The following STRA6 variants were observed in gnomAD, a reference collection of about 807,000 sequenced individuals.
STRA6 encodes the protein signaling receptor and transporter of retinol STRA6.
A neutral mutation model predicts 83.6 loss-of-function variants in STRA6; 48 were observed. The ratio of observed to expected loss-of-function variants is 0.57; its 90% CI spans 0.46 to 0.73. The LOEUF (loss-of-function observed/expected upper bound fraction) is 0.73, where lower values mean the gene tolerates loss of function less well. STRA6 is among the 30% of genes least tolerant of loss of function. STRA6 has a pLI of 0.00. For synonymous variants in STRA6, 353 were observed against 362.3 expected (o/e 0.97, Z 0.29); for missense variants, 760 against 838.8 (o/e 0.91, Z 1.16).
intron 7 of STRA6, 107 bp from the exon 8 acceptor site, chr15:74,194,029 G>C (rs1281987354): frequency 6.5e-7 from 1 of 1,548,502 alleles, no homozygotes; most frequent in Non-Finnish European, 8.8e-7. Flanking sequence ...GGGTGGTCTG[G>C]GGGGCCATGG....
Position 74,185,037 on chromosome 15 carries a change from A to G in STRA6, c.1109T>C (p.Leu370Ser), listed in dbSNP as rs759977195. The G allele has an allele frequency of 5.0e-6, 8 of 1,614,012 alleles. No individual in the cohort carries two copies. The highest frequency in any genetic ancestry group is 5.9e-6 in the Non-Finnish European group (7 of 1,179,944). Residue 370 changes from leucine (L) to serine (S), a missense_variant, in exon 13 of 19, where the codon TTG (leucine) becomes TCG (serine). Physicochemically the swap from Leu to Ser is moderately radical, Grantham distance 145 (BLOSUM62 -2). Transcript: ENST00000395105. ...WALEVCYISA[L>S]VLSCLLTFLV... ...GAAGGTGAGTAAGCAGGACAAGACC[A>G]AGGCTGAGATGTAGCACACTGGTGG... is the stretch of plus-strand genomic sequence containing the variant.
At position 74,185,045 on chromosome 15, in the gene STRA6, G is replaced by T. The variant is rs1423873931; in HGVS notation, c.1101C>A (p.Ile367=). Residue 367 remains isoleucine (I), a synonymous_variant, in exon 13 of 19, where the codon ATC becomes ATA. Coordinates refer to ENST00000395105, the MANE Select transcript of STRA6 (RefSeq NM_022369.4). The part of the protein sequence containing the change: ...HHLWALEVCY[I]SALVLSCLLT... ...GTAAGCAGGACAAGACCAAGGCTGA[G>T]ATGTAGCACACTGGTGGGCAGAGAA... is the stretch of plus-strand genomic sequence containing the variant. The T allele has an allele frequency of 1.2e-6, 2 of 1,614,012 alleles. No homozygotes were observed. The highest frequency in any genetic ancestry group is 1.7e-6 in the Non-Finnish European group (2 of 1,179,962).
At chr15:74,210,663 C>G (rs545240327), upstream of STRA6, among the ~76,000 whole-genome samples, 2 of 152,276 alleles carry the variant, frequency 1.3e-5, no homozygotes, top group South Asian at 4.1e-4. Context: ...AATAAGCCTG[C>G]TGTGAGTAAG....
Position 74,196,152 on chromosome 15 carries a change from C to G in STRA6, c.267-5G>C, listed in dbSNP as rs1226615156. The G allele has an allele frequency of 1.9e-6, 3 of 1,613,584 alleles. No individual in the cohort carries two copies. The highest frequency in any genetic ancestry group is 2.5e-6 in the Non-Finnish European group (3 of 1,179,982). ...CCAGCCAAGAAATCCACAGGGCTAG[C>G]ACAGAGGCAAGGACAGGGCAGGAGG... On this transcript the variant is annotated splice_region_variant and splice_polypyrimidine_tract_variant and intron_variant, in intron 4 of 18. Coordinates refer to ENST00000395105, the MANE Select transcript of STRA6 (RefSeq NM_022369.4).
At chr15:74,207,382 C>T (rs940670452), upstream of STRA6, among the ~76,000 whole-genome samples, 4 of 152,112 alleles carry the variant, frequency 2.6e-5, no homozygotes, top group East Asian at 7.7e-4. Flanking sequence ...AGTATTGCCC[C>T]CAAGAAGCCC....
chr15:74,180,197 C>G lies in STRA6; in HGVS notation c.1887G>C (p.Arg629Ser), dbSNP rs1440979461. Residue 629 changes from arginine (R) to serine (S), a missense_variant, in exon 19 of 19, where the codon AGG becomes AGC. By Grantham distance (110) the Arg-to-Ser change is moderately radical. Coordinates refer to ENST00000395105, the MANE Select transcript of STRA6 (RefSeq NM_022369.4). ...GAGCCCTGCCGCGGCTGGCCCCGGGCCTAGCTCCCTTGGCCATGGAGTCCT... is the reference window on the plus strand; with the variant it reads ...GAGCCCTGCCGCGGCTGGCCCCGGGGCTAGCTCCCTTGGCCATGGAGTCCT... The part of the protein sequence containing the change: ...QTKDSMAKGA[R>S]PGASRGRARW... The G allele has an allele frequency of 6.2e-7, 1 of 1,614,086 alleles. No homozygotes were observed. The highest frequency in any genetic ancestry group is 1.7e-5 in the Admixed American group (1 of 60,032).
Position 74,183,969 on chromosome 15 carries a change from T to C in STRA6, c.1187A>G (p.His396Arg). 4.3e-6 allele frequency: 7 copies of C among 1,613,518 alleles called. No homozygotes were observed. Among genetic ancestry groups the C allele is most frequent in the Non-Finnish European group, 5.9e-6 (7 of 1,180,020 alleles). Residue 396 changes from histidine to arginine, a missense_variant, in exon 14 of 19, where the codon CAC (histidine) becomes CGC (arginine). Transcript: ENST00000395105. ...ACTCAAGTCCAGGGCAGCTCCTCGG[T>C]GCAGAGCTCGAAGGTTGGTCCTGGG... ...VTHRTNLRAL[H>R]RGAALDLSPL...
At chr15:74,181,007 AAC>A (rs1024880733) in intron 17 of STRA6, 70 bp from the exon 18 acceptor site, 16 of 1,594,606 alleles carry the variant, frequency 1.0e-5, no homozygotes, top group Admixed American at 3.3e-5. Context: ...GACATCCCCT[AAC>A]ACACACACAG....
At chr15:74,197,589 C>T (rs2073877623) in intron 3 of STRA6, 163 bp downstream of exon 3, 4 of 1,149,332 alleles carry the variant, frequency 3.5e-6, no homozygotes, top group Non-Finnish European at 5.1e-6. Context: ...GAAGGTTGGA[C>T]TTGCATCCTG....
chr15:74,185,116 C>A, intron 12 of STRA6, 61 bp from the exon 13 acceptor site: 1 of 1,547,456 alleles, frequency 6.5e-7, no homozygotes, highest in South Asian at 1.1e-5. Context: ...CTGGAGGCCT[C>A]AGAACCCCTG....
At position 74,182,458 on chromosome 15, in the gene STRA6, G is replaced by C; in HGVS notation, c.1303C>G (p.Leu435Val). The change falls in exon 15 of 19, where the codon CTC becomes GTC. Residue 435 changes from leucine to valine, a missense_variant and splice_region_variant. Coordinates refer to ENST00000395105, the MANE Select transcript of STRA6 (RefSeq NM_022369.4). ...AYQTAFICLG[L>V]LVQQIIFFLG... Reference sequence around the variant, plus strand: ...AAGAAGATGATCTGCTGCACCAGGAGCCCTGCCAGGGGCGGGAGTGGCAGG... The same window carrying C: ...AAGAAGATGATCTGCTGCACCAGGACCCCTGCCAGGGGCGGGAGTGGCAGG... The C allele has an allele frequency of 1.9e-6, 3 of 1,607,900 alleles. No homozygotes were observed. Among genetic ancestry groups the C allele is most frequent in the Non-Finnish European group, 2.5e-6 (3 of 1,177,304 alleles).
At chr15:74,209,293 ACAGGG>A (rs1190164227), upstream of STRA6, 3 of 1,393,710 alleles carry the variant, frequency 2.2e-6, no homozygotes, top group African/African-American at 1.4e-5. Flanking sequence ...AGAAGCCTGC[ACAGGG>A]CTTTGATGGC....
intron 5 of STRA6, 109 bp downstream of exon 5, chr15:74,195,899 G>C: frequency 3.4e-6 from 5 of 1,486,716 alleles, no homozygotes; most frequent in Non-Finnish European, 4.6e-6. Context: ...CCATCTCATT[G>C]ACAGCTGTTC....
At chr15:74,189,318 G>T in intron 11 of STRA6, 41 bp from the exon 12 acceptor site, 1 of 1,559,724 alleles carries the variant, frequency 6.4e-7, no homozygotes, top group Non-Finnish European at 8.7e-7. Flanking sequence ...CCAGGAAAGG[G>T]TTTTCTGTGC....
chr15:74,192,358 G>A (rs2073590238), intron 8 of STRA6, among the ~76,000 whole-genome samples: 1 of 152,142 alleles, frequency 6.6e-6, no homozygotes, highest in Non-Finnish European at 1.5e-5. Context: ...CTCGAGGGGT[G>A]TTGGCCTCAA....
rs886051473 is a variant in STRA6, at chr15:74,180,048, C to A, written c.*32G>T. Reference sequence around the variant, plus strand: ...TGGTAGGCAGGAACATGCCTCAGCACAGATGGGCAGGTGGGTTGACCTTCC... The same window carrying A: ...TGGTAGGCAGGAACATGCCTCAGCAAAGATGGGCAGGTGGGTTGACCTTCC... On this transcript the variant is annotated 3_prime_UTR_variant, in exon 19 of 19. Transcript: ENST00000395105. The A allele has an allele frequency of 1.2e-5, 19 of 1,607,084 alleles. No homozygotes were observed. Among genetic ancestry groups the A allele is most frequent in the Non-Finnish European group, 1.6e-5 (19 of 1,174,838 alleles).
At chr15:74,191,013 C>A (rs907742701) in intron 10 of STRA6, 112 bp from the exon 11 acceptor site, 25 of 1,576,530 alleles carry the variant, frequency 1.6e-5, no homozygotes, top group African/African-American at 2.7e-5. Flanking sequence ...ATGACCAAGG[C>A]CAGGCCAGGG....
intron 14 of STRA6, chr15:74,183,399 C>G: frequency 1.8e-6 from 1 of 562,594 alleles, no homozygotes; most frequent in South Asian, 4.0e-5. Flanking sequence ...GTGCACACCA[C>G]CATACCCGGC....
Position 74,202,231 on chromosome 15 carries a change from CG to C in STRA6, c.36del (p.Ala14ProfsTer58). The C allele has an allele frequency of 1.3e-6, 2 of 1,535,712 alleles. No individual in the cohort carries two copies. Among genetic ancestry groups the C allele is most frequent in the Non-Finnish European group, 8.7e-7 (1 of 1,147,492 alleles). ...SSQPAGNQTSPGATEDYSYGS... is the reference protein window; with the variant it reads ...SSQPAGNQTSXGATEDYSYGS... The stretch of plus-strand genomic sequence containing the variant: ...CCATAGGAGTAGTCCTCTGTGGCCC[CG>C]GGGGAGGTCTGGTTCCCTGCTGGCT... On this transcript the variant is annotated frameshift_variant, in exon 2 of 19. Coordinates refer to ENST00000395105, the MANE Select transcript of STRA6 (RefSeq NM_022369.4). LOFTEE classifies it high-confidence loss of function.
Sources: gnomAD v4.1 joint callset for allele counts (sites outside exome capture counted in the v4.1 genomes callset) on GRCh38, gnomAD v4.1.1 for gene constraint, MANE v1.5 for transcripts, NCBI Gene and HGNC (gene_info 2026-07-23, HGNC 2026-07-21) for gene names.